The following ZCCHC7 variants were observed in gnomAD, a reference collection of about 807,000 sequenced individuals.
ZCCHC7 encodes zinc finger CCHC-type containing 7.
In ZCCHC7, 35 loss-of-function variants were observed where a neutral mutation model predicts 52.0. That is an observed-to-expected ratio of 0.67 (90% CI 0.51 to 0.89). The LOEUF (loss-of-function observed/expected upper bound fraction) is 0.89, where lower values mean the gene tolerates loss of function less well. Ranked by LOEUF, ZCCHC7 falls within the 40% of genes least tolerant of loss-of-function variation. The probability of loss-of-function intolerance (pLI) is 0.00; values close to 1 mark genes in which losing one functional copy is unlikely to be tolerated. For synonymous variants in ZCCHC7, 217 were observed against 221.5 expected (o/e 0.98, Z 0.18); for missense variants, 574 against 649.1 (o/e 0.88, Z 1.26).
intron 2 of ZCCHC7, among the ~76,000 whole-genome samples, chr9:37,274,614 C>T (rs1827596801): frequency 6.6e-6 from 1 of 152,118 alleles, no homozygotes; most frequent in South Asian, 2.1e-4. Flanking sequence ...GTTGGGATTA[C>T]AGGCATGAGC....
intron 2 of ZCCHC7, among the ~76,000 whole-genome samples, chr9:37,272,511 AAAAG>A (rs1180620162): frequency 4.7e-5 from 7 of 150,466 alleles, no homozygotes; most frequent in African/African-American, 9.7e-5. Context: ...AAAAAAAAAA[AAAAG>A]AAAGAAAGGA....
intron 2 of ZCCHC7, among the ~76,000 whole-genome samples, chr9:37,219,855 T>G (rs1007977075): frequency 8.5e-5 from 13 of 152,194 alleles, no homozygotes; most frequent in African/African-American, 3.1e-4. Context: ...TTTGATGAAA[T>G]GTAACTTGAA....
chr9:37,310,724 T>A (rs1262719815), intron 5 of ZCCHC7, among the ~76,000 whole-genome samples: 1 of 152,094 alleles, frequency 6.6e-6, no homozygotes, highest in Non-Finnish European at 1.5e-5. Flanking sequence ...ATTATAGCTC[T>A]AATAAGCAAC....
intron 2 of ZCCHC7, among the ~76,000 whole-genome samples, chr9:37,190,820 A>G (rs970171907): frequency 6.6e-6 from 1 of 152,224 alleles, no homozygotes; most frequent in Non-Finnish European, 1.5e-5. Context: ...GGAGTTCGAG[A>G]CCAGCCTGAC....
At chr9:37,287,667 A>T (rs1828318492) in intron 2 of ZCCHC7, among the ~76,000 whole-genome samples, 1 of 152,130 alleles carries the variant, frequency 6.6e-6, no homozygotes, top group African/African-American at 2.4e-5. Context: ...GTGTATACAT[A>T]TTTATGTGTT....
chr9:37,254,492 G>A (rs575694149), intron 2 of ZCCHC7, among the ~76,000 whole-genome samples: 35 of 152,014 alleles, frequency 2.3e-4, no homozygotes, highest in Non-Finnish European at 4.3e-4. Flanking sequence ...GATGAGAGTG[G>A]GGTGTTGACT....
rs148754797 is a variant in ZCCHC7, at chr9:37,266,111, A to G, written c.611-36077A>G. On this transcript the variant is annotated intron_variant, in intron 2 of 8. Transcript: ENST00000336755. Reference sequence around the variant, plus strand: ...GTATTTACTGTATCAATATGGTAAAAACAACACTTTAATTCCTTTTTTAAA... The same window carrying G: ...GTATTTACTGTATCAATATGGTAAAGACAACACTTTAATTCCTTTTTTAAA... Among the ~76,000 whole-genome samples, 4 of 152,334 alleles carry G rather than the reference A, an allele frequency of 2.6e-5. No individual in the cohort carries two copies. In the East Asian group the frequency reaches 7.7e-4, roughly 29 times the overall value.
intron 2 of ZCCHC7, 21 bp downstream of exon 2, chr9:37,126,963 T>G (rs1456165627): frequency 1.2e-6 from 2 of 1,607,052 alleles, no homozygotes; most frequent in African/African-American, 1.3e-5. Context: ...TATTGGCCAT[T>G]TTGAAAGTAG....
chr9:37,272,549 A>AG (rs1211007293), intron 2 of ZCCHC7, among the ~76,000 whole-genome samples: 7 of 150,852 alleles, frequency 4.6e-5, no homozygotes, highest in African/African-American at 1.5e-4. Context: ...GCTGACGCAC[A>AG]TCCCTTCTCC....
intron 2 of ZCCHC7, among the ~76,000 whole-genome samples, chr9:37,193,043 A>G (rs770770729): frequency 6.6e-6 from 1 of 152,202 alleles, no homozygotes; most frequent in African/African-American, 2.4e-5. Context: ...CTTTGGGGCT[A>G]TTTTAGGATT....
chr9:37,222,799 G>A (rs1265316029), intron 2 of ZCCHC7, among the ~76,000 whole-genome samples: 1 of 152,042 alleles, frequency 6.6e-6, no homozygotes, highest in Non-Finnish European at 1.5e-5. Context: ...ATTGTATAAA[G>A]TACCCTTAAT....
chr9:37,182,571 G>A (rs1173634946), intron 2 of ZCCHC7, among the ~76,000 whole-genome samples: 1 of 151,976 alleles, frequency 6.6e-6, no homozygotes, highest in Admixed American at 6.6e-5. Context: ...CACTTGTATT[G>A]GTGAGGCTGG....
chr9:37,214,865 T>A (rs964838618), intron 2 of ZCCHC7, among the ~76,000 whole-genome samples: 1 of 152,086 alleles, frequency 6.6e-6, no homozygotes, highest in Non-Finnish European at 1.5e-5. Context: ...GGGTATTGAA[T>A]ATCAGTTTTT....
intron 2 of ZCCHC7, among the ~76,000 whole-genome samples, chr9:37,164,514 A>G (rs915771324): frequency 5.9e-5 from 9 of 151,384 alleles, no homozygotes; most frequent in African/African-American, 2.2e-4. Context: ...GACAAGATAG[A>G]TAGACTCTGT....
chr9:37,317,366 G>A (rs1331204392), intron 5 of ZCCHC7, among the ~76,000 whole-genome samples: 1 of 152,212 alleles, frequency 6.6e-6, no homozygotes, highest in Non-Finnish European at 1.5e-5. Context: ...GTGAAAGCAA[G>A]AAAGCCTGGA....
At chr9:37,223,517 A>C (rs1295475133) in intron 2 of ZCCHC7, among the ~76,000 whole-genome samples, 3 of 152,148 alleles carry the variant, frequency 2.0e-5, no homozygotes, top group Non-Finnish European at 4.4e-5. Flanking sequence ...GAGGTTACTT[A>C]AAGGGTAGTT....
At chr9:37,321,860 T>C (rs1830067102) in intron 5 of ZCCHC7, among the ~76,000 whole-genome samples, 1 of 152,222 alleles carries the variant, frequency 6.6e-6, no homozygotes. Context: ...TGGTTCCTGC[T>C]AGTATACTTA....
Position 37,126,671 on chromosome 9 carries a change from A to G in ZCCHC7, c.339A>G (p.Gln113=). 6.2e-7 allele frequency: 1 copy of G among 1,614,198 alleles called. No individual in the cohort carries two copies. Among genetic ancestry groups the G allele is most frequent in the Non-Finnish European group, 8.5e-7 (1 of 1,180,034 alleles). ...CKGKNVRVQA[Q]ENAHGLSSSL... Reference sequence around the variant, plus strand: ...GAAAGAATGTTAGAGTTCAAGCACAAGAAAATGCCCATGGTCTTTCTTCTT... The same window carrying G: ...GAAAGAATGTTAGAGTTCAAGCACAGGAAAATGCCCATGGTCTTTCTTCTT... The change falls in exon 2 of 9, where the codon CAA becomes CAG. Residue 113 remains glutamine (Q), a synonymous_variant. Transcript: ENST00000336755.
intron 6 of ZCCHC7, among the ~76,000 whole-genome samples, chr9:37,331,598 C>G (rs1830452553): frequency 1.3e-5 from 2 of 151,530 alleles, no homozygotes; most frequent in African/African-American, 4.8e-5. Context: ...AAGCCTTTAT[C>G]CTGAGATTGT....
Sources: allele counts gnomAD v4.1 joint callset (sites outside exome capture counted in the v4.1 genomes callset), GRCh38; gene constraint gnomAD v4.1.1; transcripts MANE v1.5; gene names NCBI Gene and HGNC (gene_info 2026-07-23, HGNC 2026-07-21).